The following XCR1 variants were observed in gnomAD, a reference collection of about 807,000 sequenced individuals.
XCR1 encodes chemokine XC receptor 1.
For missense variants in XCR1, 356 were observed against 424.2 expected (o/e 0.84, Z 1.41); for synonymous variants, 187 against 188.5 (o/e 0.99, Z 0.06).
At chr3:46,055,955 G>A (rs1265235542) in intron 4 of XCR1, among the ~76,000 whole-genome samples, 1 of 152,208 alleles carries the variant, frequency 6.6e-6, no homozygotes, top group Admixed American at 6.5e-5. Context: ...CAAGAAAATG[G>A]TGGTTGAGTG....
chr3:46,049,860 C>T (rs954768781), intron 5 of XCR1, among the ~76,000 whole-genome samples: 7 of 152,176 alleles, frequency 4.6e-5, no homozygotes, highest in African/African-American at 9.7e-5. Flanking sequence ...ATAGCACCCA[C>T]GAAGTCTGCA....
chr3:46,028,885 C>G (rs1708351534), upstream of XCR1, among the ~76,000 whole-genome samples: 2 of 152,118 alleles, frequency 1.3e-5, no homozygotes, highest in Admixed American at 6.5e-5. Flanking sequence ...AGCCACCATG[C>G]CTGACCTGTT....
intron 2 of XCR1, among the ~76,000 whole-genome samples, chr3:46,076,244 T>G (rs1286505356): frequency 2.0e-5 from 3 of 152,176 alleles, no homozygotes; most frequent in Non-Finnish European, 2.9e-5. Flanking sequence ...AAAGATACCC[T>G]TGTCTCTACC....
Position 46,080,469 on chromosome 3 carries a change from T to C in XCR1, c.-514-3543A>G, listed in dbSNP as rs552220427. Among the ~76,000 whole-genome samples, 59 of 152,158 alleles carry C rather than the reference T, an allele frequency of 3.9e-4. No individual in the cohort carries two copies. In the South Asian group the frequency reaches 0.012, roughly 30 times the overall value. Reference sequence around the variant, plus strand: ...CCCAGCTACTTGGGAGGCTGAGGCATGAGAATCTTTTGAACTAGGGAGGCG... The same window carrying C: ...CCCAGCTACTTGGGAGGCTGAGGCACGAGAATCTTTTGAACTAGGGAGGCG... On this transcript the variant is annotated intron_variant, in intron 1 of 5. Coordinates refer to the XCR1 transcript ENST00000683768.
rs1056895023 is a variant in XCR1 at position 46,017,679 on chromosome 3, C to T, written c.*3267G>A. 1.3e-5 allele frequency: 2 copies of T among 152,202 alleles called. No individual in the cohort carries two copies. Among genetic ancestry groups the T allele is most frequent in the African/African-American group, 4.8e-5 (2 of 41,426 alleles). The allele number at this position is 152,202 out of a possible 1,614,324, so 9.4% of individuals were successfully genotyped here. ...GCTGGCCTGAGCTTGGAGACATGCT[C>T]CGCTCAGAGATCAGCGAGGTTCTTC... is the stretch of plus-strand genomic sequence containing the variant. On this transcript the variant is annotated 3_prime_UTR_variant, in exon 2 of 2. Transcript: ENST00000309285.
At chr3:46,055,032 A>T (rs1448211557) in intron 4 of XCR1, among the ~76,000 whole-genome samples, 1 of 152,212 alleles carries the variant, frequency 6.6e-6, no homozygotes, top group Non-Finnish European at 1.5e-5. Flanking sequence ...GGTCTCTCTT[A>T]AGTTATATCC....
At chr3:46,032,035 T>C (rs1165490119), upstream of XCR1, among the ~76,000 whole-genome samples, 3 of 152,258 alleles carry the variant, frequency 2.0e-5, no homozygotes, top group African/African-American at 4.8e-5. Context: ...GTTCTATTGC[T>C]TGATAAAGCT....
Position 46,063,255 on chromosome 3 carries a change from C to T in XCR1, c.-183+3644G>A, listed in dbSNP as rs1478384554. ...TGCAAGAAGGGATGGTAAAGTATCC[C>T]TGATCTAACAATAGTGGGAAGCTGC... On this transcript the variant is annotated intron_variant, in intron 4 of 5. Transcript: ENST00000683768. 2.0e-5 allele frequency among the ~76,000 whole-genome samples: 3 copies of T among 152,092 alleles called. 1 individual carries two copies. Among genetic ancestry groups the T allele is most frequent in the African/African-American group, 7.2e-5 (3 of 41,408 alleles).
intron 4 of XCR1, among the ~76,000 whole-genome samples, chr3:46,060,890 C>T (rs946207436): frequency 1.3e-5 from 2 of 152,170 alleles, no homozygotes; most frequent in African/African-American, 4.8e-5. Context: ...ATCAAGCCTG[C>T]TGCTTCAGGA....
intron 1 of XCR1, among the ~76,000 whole-genome samples, chr3:46,084,463 C>A (rs561086232): frequency 2.5e-4 from 38 of 152,326 alleles, no homozygotes; most frequent in African/African-American, 8.7e-4. Flanking sequence ...TATGTGGACT[C>A]TAGACTAACT....
intron 1 of XCR1, among the ~76,000 whole-genome samples, chr3:46,081,771 C>T (rs1453553925): frequency 6.6e-6 from 1 of 151,428 alleles, no homozygotes; most frequent in Non-Finnish European, 1.5e-5. Flanking sequence ...TTGTGTGATG[C>T]CGAGGTTGGG....
At chr3:46,064,488 T>C (rs1291456899) in intron 4 of XCR1, among the ~76,000 whole-genome samples, 1 of 152,152 alleles carries the variant, frequency 6.6e-6, no homozygotes, top group Non-Finnish European at 1.5e-5. Context: ...CACTGAGAGA[T>C]GAAGTCCAAT....
Position 46,020,774 on chromosome 3 carries a change from G to A in XCR1, c.*172C>T. 1 of 904,926 alleles carries A rather than the reference G, an allele frequency of 1.1e-6. No homozygotes were observed. The highest frequency in any genetic ancestry group is 2.7e-5 in the East Asian group (1 of 36,996). 56.1% of individuals were successfully genotyped at this position (904,926 alleles called of 1,614,324 possible). Reference sequence around the variant, plus strand: ...GGTAGGAAGCCACTTTCCCGCAGATGAGAGGCTGGCGGGACCCACTGGTGT... The same window carrying A: ...GGTAGGAAGCCACTTTCCCGCAGATAAGAGGCTGGCGGGACCCACTGGTGT... On this transcript the variant is annotated 3_prime_UTR_variant, in exon 2 of 2. Coordinates refer to ENST00000309285, the MANE Select transcript of XCR1 (RefSeq NM_001024644.2).
intron 1 of XCR1, chr3:46,023,763 T>C (rs1708221559): frequency 6.5e-7 from 1 of 1,548,250 alleles, no homozygotes; most frequent in Non-Finnish European, 8.9e-7. Context: ...AGCCATGTAT[T>C]GGAAGCAAAG....
chr3:46,050,573 AT>A (rs1697721000), intron 5 of XCR1, among the ~76,000 whole-genome samples: 1 of 152,210 alleles, frequency 6.6e-6, no homozygotes, highest in Non-Finnish European at 1.5e-5. Context: ...CATCCATAAA[AT>A]GAATGATATA....
At chr3:46,070,852 T>C (rs1010612042) in intron 3 of XCR1, among the ~76,000 whole-genome samples, 1 of 152,172 alleles carries the variant, frequency 6.6e-6, no homozygotes, top group African/African-American at 2.4e-5. Context: ...GGCTTTTTCT[T>C]CCTTTGTCTG....
chr3:46,022,305 A>G, intron 1 of XCR1: 1 of 182,606 alleles, frequency 5.5e-6, no homozygotes, highest in African/African-American at 2.3e-5. Flanking sequence ...ACCATGTTTC[A>G]AAAACAAACA....
At chr3:46,024,298 T>G (rs1252481779) in intron 1 of XCR1, 1 of 286,650 alleles carries the variant, frequency 3.5e-6, no homozygotes, top group Non-Finnish European at 6.4e-6. Flanking sequence ...TGGTGGACTG[T>G]GGGAGAATAG....
chr3:46,026,544 T>G (rs1395057029), intron 1 of XCR1, among the ~76,000 whole-genome samples: 1 of 151,948 alleles, frequency 6.6e-6, no homozygotes, highest in African/African-American at 2.4e-5. Flanking sequence ...ATATGTTAGG[T>G]CTACTCAAAG....
Sources: gnomAD v4.1 joint callset for allele counts (sites outside exome capture counted in the v4.1 genomes callset) on GRCh38, gnomAD v4.1.1 for gene constraint, MANE v1.5 for transcripts, NCBI Gene and HGNC (gene_info 2026-07-23, HGNC 2026-07-21) for gene names.